CRB2: variants seen among roughly 807,000 people sequenced by gnomAD.
The protein encoded by CRB2 is crumbs cell polarity complex component 2.
A neutral mutation model predicts 110.9 loss-of-function variants in CRB2; 85 were observed. That is an observed-to-expected ratio of 0.77 (90% CI 0.64 to 0.92). The LOEUF (loss-of-function observed/expected upper bound fraction) is 0.92, where lower values mean the gene tolerates loss of function less well. CRB2 is among the 40% of genes least tolerant of loss of function. The pLI, the probability that CRB2 is intolerant of heterozygous loss-of-function variation, is 0.00. For missense variants in CRB2, 1,843 were observed against 1,851.3 expected (o/e 1.00, Z 0.08); for synonymous variants, 907 against 831.0 (o/e 1.09, Z -1.57).
At chr9:123,368,920 T>C (rs910358128) in intron 6 of CRB2, 1 of 1,257,204 alleles carries the variant, frequency 8.0e-7, no homozygotes, top group Admixed American at 2.5e-5. Flanking sequence ...CTGTGGACCT[T>C]CCTGGGCCAC....
chr9:123,356,390 A>T (rs959254923), intron 1 of CRB2, 36 bp downstream of exon 1: 11 of 1,478,696 alleles, frequency 7.4e-6, no homozygotes, highest in South Asian at 1.3e-5. Context: ...GGCCTGGGAG[A>T]GGGTCTGTCC....
At chr9:123,366,542 G>A (rs1293088671) in intron 4 of CRB2, among the ~76,000 whole-genome samples, 176 bp downstream of exon 4, 1 of 152,244 alleles carries the variant, frequency 6.6e-6, no homozygotes, top group Non-Finnish European at 1.5e-5. Flanking sequence ...ACAAAATAGG[G>A]CTGATCGTAG....
chr9:123,376,786 G>A lies in CRB2; in HGVS notation c.3634-52G>A, dbSNP rs10760283. ...GCGCTCTCTGCTCTCTGAGGGCCCCGGCGTCCTCCCCTTCTCTGCGGTCTT... is the reference window on the plus strand; with the variant it reads ...GCGCTCTCTGCTCTCTGAGGGCCCCAGCGTCCTCCCCTTCTCTGCGGTCTT... On this transcript the variant is annotated intron_variant, in intron 12 of 12. Transcript: ENST00000373631. 741,443 of 1,503,338 alleles carry A rather than the reference G, an allele frequency of 0.49. 189,748 individuals are homozygous for A. Among genetic ancestry groups the A allele is most frequent in the Non-Finnish European group, 0.53 (592,016 of 1,107,030 alleles). The allele number at this position is 1,503,338 out of a possible 1,614,324, so 93.1% of individuals were successfully genotyped here.
chr9:123,377,031 T>C lies in CRB2; in HGVS notation c.3827T>C (p.Leu1276Pro). ...GCCCGGCTGGAGATGGACAGTGTCCTCAAGGTGCCACCGGAGGAGAGACTC... is the reference window on the plus strand; with the variant it reads ...GCCCGGCTGGAGATGGACAGTGTCCCCAAGGTGCCACCGGAGGAGAGACTC... ...AGARLEMDSVLKVPPEERLI is the reference protein window; with the variant it reads ...AGARLEMDSVPKVPPEERLI Residue 1276 changes from leucine to proline, a missense_variant, in exon 13 of 13, where the codon CTC becomes CCC. Leu to Pro is a moderately conservative substitution (Grantham distance 98). Coordinates refer to ENST00000373631, the MANE Select transcript of CRB2 (RefSeq NM_173689.7). 4 of 1,600,366 alleles carry C rather than the reference T, an allele frequency of 2.5e-6. No individual in the cohort carries two copies. The highest frequency in any genetic ancestry group is 1.7e-4 in the Middle Eastern group (1 of 6,008).
intron 4 of CRB2, 56 bp downstream of exon 4, chr9:123,366,422 C>T (rs1033537042): frequency 6.7e-6 from 10 of 1,482,862 alleles, no homozygotes; most frequent in Non-Finnish European, 7.9e-6. Context: ...TGCGCCTGTG[C>T]GGCCTGGGGC....
chr9:123,367,420 CACCCCCCCA>C (rs2041950370), intron 5 of CRB2, 63 bp downstream of exon 5: 3 of 1,033,674 alleles, frequency 2.9e-6, no homozygotes, highest in African/African-American at 6.3e-5. Flanking sequence ...ATCTTGTGCC[CACCCCCCCA>C]CCCCCCCCAC....
rs1389777452 is a variant in CRB2 at position 123,356,246 on chromosome 9, G to A, written c.-15G>A. 11 of 1,327,020 alleles carry A rather than the reference G, an allele frequency of 8.3e-6. No individual in the cohort carries two copies. Among genetic ancestry groups the A allele is most frequent in the Non-Finnish European group, 8.6e-6 (9 of 1,048,206 alleles). The allele number at this position is 1,327,020 out of a possible 1,614,324, so 82.2% of individuals were successfully genotyped here. On this transcript the variant is annotated 5_prime_UTR_variant, in exon 1 of 13. Coordinates refer to ENST00000373631, the MANE Select transcript of CRB2 (RefSeq NM_173689.7). ...CGTTCTCACAGCAGCCGAGCAGAGC[G>A]CAGAGCGGGCTGCCATGGCGCTGGC...
chr9:123,374,079 A>C, intron 10 of CRB2, 159 bp downstream of exon 10: 2 of 1,019,684 alleles, frequency 2.0e-6, no homozygotes, highest in South Asian at 2.7e-5. Context: ...AAATTTCCTG[A>C]TAAAATACAG....
rs4838052 is a variant in CRB2, at chr9:123,366,375, G to A, written c.754+9G>A. The A allele has an allele frequency of 0.031, 47,776 of 1,538,280 alleles. 3,547 individuals are homozygous for A. Among genetic ancestry groups the A allele is most frequent in the East Asian group, 0.19 (7,271 of 38,698 alleles). On this transcript the variant is annotated intron_variant, in intron 4 of 12. Transcript: ENST00000373631. ...CTGCCTCTGTTGGCCAGGTGTGTGC[G>A]TGCAGGTGCGCGGCCTGGCGGGGGG... is the stretch of plus-strand genomic sequence containing the variant.
chr9:123,375,431 G>T (rs904099411), intron 12 of CRB2, 88 bp downstream of exon 12: 32 of 1,418,472 alleles, frequency 2.3e-5, no homozygotes, highest in South Asian at 1.4e-4. Flanking sequence ...AGCACCATGG[G>T]GCTGTTCCTG....
chr9:123,356,610 G>C (rs1205413773), intron 1 of CRB2, among the ~76,000 whole-genome samples: 1 of 151,714 alleles, frequency 6.6e-6, no homozygotes, highest in Non-Finnish European at 1.5e-5. Flanking sequence ...CGGGGGCTGG[G>C]CATGATTTGG....
intron 12 of CRB2, among the ~76,000 whole-genome samples, chr9:123,376,358 T>A (rs1373322093): frequency 6.6e-6 from 1 of 152,114 alleles, no homozygotes; most frequent in Admixed American, 6.5e-5. Context: ...CCAGGGAGGT[T>A]TGCTGGGCTC....
At chr9:123,372,063 T>C in intron 8 of CRB2, 114 bp from the exon 9 acceptor site, 2 of 1,030,224 alleles carry the variant, frequency 1.9e-6, no homozygotes, top group Admixed American at 4.3e-5. Flanking sequence ...CCCTCGTTTG[T>C]GAGGAGATAC....
chr9:123,370,264 C>A lies in CRB2; in HGVS notation c.1211C>A (p.Thr404Asn). The change falls in exon 7 of 13, where the codon ACC becomes AAC. Residue 404 changes from threonine (T) to asparagine (N), a missense_variant. Transcript: ENST00000373631. ...SVQLTGCQGH[T>N]CPLAATCIPI... ...CAGCTCACTGGCTGCCAGGGCCACA[C>A]CTGCCCGCTGGCTGCCACCTGCATC... 5 of 1,613,336 alleles carry A rather than the reference C, an allele frequency of 3.1e-6. No homozygotes were observed. The highest frequency in any genetic ancestry group is 2.2e-5 in the East Asian group (1 of 44,884).
In CRB2 at chr9:123,375,315, G is replaced by T; in HGVS notation, c.3605G>T (p.Arg1202Ile). Residue 1202 changes from arginine (R) to isoleucine (I), a missense_variant, in exon 12 of 13, where the codon AGA becomes ATA. Physicochemically the swap from Arg to Ile is moderately conservative, Grantham distance 97. Transcript: ENST00000373631. Reference protein sequence around the residue: ...GGVSECICNARFSGQFCEVAK... With the variant: ...GGVSECICNAIFSGQFCEVAK... ...GTGTCTGAATGTATCTGCAATGCCA[G>T]ATTCTCCGGCCAGTTCTGTGAAGTG... The T allele has an allele frequency of 6.2e-7, 1 of 1,607,294 alleles. No homozygotes were observed. The highest frequency in any genetic ancestry group is 8.5e-7 in the Non-Finnish European group (1 of 1,176,424).
At chr9:123,362,836 C>A (rs1050617895) in intron 1 of CRB2, 29 bp from the exon 2 acceptor site, 3 of 1,545,802 alleles carry the variant, frequency 1.9e-6, no homozygotes, top group Non-Finnish European at 2.6e-6. Flanking sequence ...CTCTGCCCAC[C>A]CTGCCCAGCC....
chr9:123,379,384 G>A (rs1482910053), downstream of CRB2, among the ~76,000 whole-genome samples: 3 of 152,240 alleles, frequency 2.0e-5, no homozygotes, highest in Non-Finnish European at 2.9e-5. Flanking sequence ...TGCCCTCAAC[G>A]TCGTTGGAGG....
At chr9:123,373,021 C>T (rs537482458) in intron 9 of CRB2, 113 bp from the exon 10 acceptor site, 40 of 826,716 alleles carry the variant, frequency 4.8e-5, no homozygotes, top group African/African-American at 7.3e-5. Flanking sequence ...TAGGTGGGTG[C>T]GTGTGCCCCA....
chr9:123,366,270 T>A lies in CRB2; in HGVS notation c.658T>A (p.Cys220Ser). 6.6e-7 allele frequency: 1 copy of A among 1,506,938 alleles called. No homozygotes were observed. The highest frequency in any genetic ancestry group is 1.2e-5 in the South Asian group (1 of 80,056). The allele number at this position is 1,506,938 out of a possible 1,614,324, so 93.3% of individuals were successfully genotyped here. ...CAGTGYEGTH[C>S]EREVLECASA... is the part of the protein sequence containing the mutation. Reference sequence around the variant, plus strand: ...GGGCACCGGCTACGAGGGCACGCACTGCGAGCGGGAGGTGCTGGAGTGCGC... The same window carrying A: ...GGGCACCGGCTACGAGGGCACGCACAGCGAGCGGGAGGTGCTGGAGTGCGC... Residue 220 changes from cysteine to serine, a missense_variant, in exon 4 of 13, where the codon TGC becomes AGC. Cys to Ser is a moderately radical substitution (Grantham distance 112, BLOSUM62 -1). Transcript: ENST00000373631.
Sources: allele counts gnomAD v4.1 joint callset (sites outside exome capture counted in the v4.1 genomes callset), GRCh38; gene constraint gnomAD v4.1.1; transcripts MANE v1.5; gene names NCBI Gene and HGNC (gene_info 2026-07-23, HGNC 2026-07-21).